Variants in ZFAND3 observed in about 807,000 individuals in gnomAD.
ZFAND3 encodes the protein zinc finger AN1-type containing 3, also known as AN1-type zinc finger protein 3.
In ZFAND3, 10 loss-of-function variants were observed where a neutral mutation model predicts 29.6. The ratio of observed to expected loss-of-function variants is 0.34; its 90% CI spans 0.21 to 0.57. ZFAND3 has a LOEUF of 0.57. Among genes scored for constraint, ZFAND3 ranks in the 20% least tolerant of loss-of-function variants. The probability of loss-of-function intolerance (pLI) is 0.86; values close to 1 mark genes in which losing one functional copy is unlikely to be tolerated. For missense variants in ZFAND3, 230 were observed against 304.5 expected, an observed-to-expected ratio of 0.76 and a Z score of 1.82; for synonymous variants, 128 against 112.6, an observed-to-expected ratio of 1.14 and a Z score of -0.87.
chr6:37,869,724 G>A (rs1312493334), intron 1 of ZFAND3, among the ~76,000 whole-genome samples: 1 of 151,300 alleles, frequency 6.6e-6, no homozygotes, highest in East Asian at 1.9e-4. Flanking sequence ...TGTTGCCCAG[G>A]CTGGCCTCGA....
chr6:37,882,954 C>T (rs1245830986), intron 1 of ZFAND3, among the ~76,000 whole-genome samples: 1 of 152,158 alleles, frequency 6.6e-6, no homozygotes, highest in African/African-American at 2.4e-5. Flanking sequence ...TGCATTGTCT[C>T]ATGCCTATAA....
chr6:37,898,249 A>G (rs899456311), intron 1 of ZFAND3, among the ~76,000 whole-genome samples: 14 of 152,186 alleles, frequency 9.2e-5, no homozygotes, highest in African/African-American at 3.4e-4. Flanking sequence ...ACTGATATCA[A>G]GTTGACCCAG....
rs1302318683 is a variant in ZFAND3 at position 37,843,961 on chromosome 6, A to G, written c.71+23945A>G. Among the ~76,000 whole-genome samples the G allele has an allele frequency of 4.6e-5, 7 of 152,126 alleles. No homozygotes were observed. The East Asian group carries it at 1.3e-3, about 29-fold the overall frequency. On this transcript the variant is annotated intron_variant, in intron 1 of 5. Transcript: ENST00000287218. The stretch of plus-strand genomic sequence containing the variant: ...GGGACAGAGTCTCACTTTGTTGCCC[A>G]GGCTGGAGTGCAATGGTGTGATCTT...
At chr6:38,151,527 CCT>C (rs1766226062) in intron 5 of ZFAND3, among the ~76,000 whole-genome samples, 1 of 151,488 alleles carries the variant, frequency 6.6e-6, no homozygotes, top group South Asian at 2.1e-4. Flanking sequence ...GGCATCTCAA[CCT>C]CTCTCACCTA....
intron 3 of ZFAND3, among the ~76,000 whole-genome samples, chr6:38,064,998 AGT>A (rs1316411102): frequency 6.6e-6 from 1 of 152,126 alleles, no homozygotes; most frequent in Non-Finnish European, 1.5e-5. Context: ...ATAGGTGTTA[AGT>A]GAGGTTGCCA....
At chr6:37,979,193 C>T (rs375068564) in intron 2 of ZFAND3, among the ~76,000 whole-genome samples, 3 of 152,266 alleles carry the variant, frequency 2.0e-5, no homozygotes, top group African/African-American at 4.8e-5. Flanking sequence ...TTTTTCACCT[C>T]GTTACTGCTT....
At chr6:37,829,516 T>C (rs1763820739) in intron 1 of ZFAND3, among the ~76,000 whole-genome samples, 1 of 152,150 alleles carries the variant, frequency 6.6e-6, no homozygotes, top group African/African-American at 2.4e-5. Flanking sequence ...GCCTGGGCAA[T>C]AGAGTGAGAC....
chr6:38,102,622 A>C lies in ZFAND3; in HGVS notation c.362-13950A>C, dbSNP rs138980701. Among the ~76,000 whole-genome samples the C allele has an allele frequency of 3.9e-5, 6 of 152,320 alleles. 1 individual carries two copies. In the East Asian group the frequency reaches 9.6e-4, roughly 24 times the overall value. On this transcript the variant is annotated intron_variant, in intron 4 of 5. Transcript: ENST00000287218. ...CAAATATAAGTCAACAGTAGGAGGA[A>C]GTGCCCACAGTTGCAGGTACTATCC... is the stretch of plus-strand genomic sequence containing the variant.
At chr6:38,146,397 G>A (rs1056267228) in intron 5 of ZFAND3, among the ~76,000 whole-genome samples, 1 of 152,252 alleles carries the variant, frequency 6.6e-6, no homozygotes, top group Non-Finnish European at 1.5e-5. Flanking sequence ...GCCATGGAAA[G>A]TGGAGTCATG....
intron 1 of ZFAND3, among the ~76,000 whole-genome samples, chr6:37,834,467 G>A (rs886574326): frequency 2.6e-5 from 4 of 152,166 alleles, no homozygotes; most frequent in Admixed American, 2.6e-4. Flanking sequence ...ACATCTGTGT[G>A]CAGGTTTTTG....
chr6:37,925,702 T>TG (rs1761471535), intron 1 of ZFAND3, among the ~76,000 whole-genome samples: 5 of 69,422 alleles, frequency 7.2e-5, no homozygotes, highest in African/African-American at 3.0e-4. Flanking sequence ...ACACTCCATC[T>TG]CAAAAAAAAA....
chr6:37,933,853 T>C lies in ZFAND3; in HGVS notation c.112+3854T>C, dbSNP rs1033566417. 3.3e-5 allele frequency among the ~76,000 whole-genome samples: 5 copies of C among 152,082 alleles called. No homozygotes were observed. In the East Asian group the frequency reaches 9.6e-4, roughly 29 times the overall value. On this transcript the variant is annotated intron_variant, in intron 2 of 5. Coordinates refer to ENST00000287218, the MANE Select transcript of ZFAND3 (RefSeq NM_021943.3). ...TGTTACCTTTAAAGGCTAAAATCATTTAAGACTGTTTAAAGGATCTCTCTC... is the reference window on the plus strand; with the variant it reads ...TGTTACCTTTAAAGGCTAAAATCATCTAAGACTGTTTAAAGGATCTCTCTC...
At chr6:37,973,941 C>G (rs1030282585) in intron 2 of ZFAND3, among the ~76,000 whole-genome samples, 1 of 152,198 alleles carries the variant, frequency 6.6e-6, no homozygotes, top group South Asian at 2.1e-4. Flanking sequence ...CTCAGAGAGA[C>G]AGCTTTAGTG....
At chr6:38,127,366 C>T (rs1219164934) in intron 5 of ZFAND3, among the ~76,000 whole-genome samples, 1 of 152,226 alleles carries the variant, frequency 6.6e-6, no homozygotes, top group Non-Finnish European at 1.5e-5. Context: ...AAGCTGTGTT[C>T]TAAAGAGTTT....
intron 4 of ZFAND3, among the ~76,000 whole-genome samples, chr6:38,100,056 CT>C (rs1229824762): frequency 2.0e-5 from 3 of 151,842 alleles, no homozygotes; most frequent in Non-Finnish European, 4.4e-5. Context: ...AAACCTATTT[CT>C]TTTTTTCTTT....
chr6:38,030,575 A>G (rs1216379660), intron 2 of ZFAND3, among the ~76,000 whole-genome samples: 1 of 152,194 alleles, frequency 6.6e-6, no homozygotes, highest in Non-Finnish European at 1.5e-5. Context: ...TGATAAGACC[A>G]GCAACTGATT....
At chr6:37,887,435 A>C (rs1367317640) in intron 1 of ZFAND3, among the ~76,000 whole-genome samples, 4 of 152,232 alleles carry the variant, frequency 2.6e-5, no homozygotes, top group Non-Finnish European at 5.9e-5. Context: ...TATTTTAAAC[A>C]AGTTAGGTAA....
At chr6:38,036,055 C>T (rs1234951865) in intron 2 of ZFAND3, among the ~76,000 whole-genome samples, 3 of 152,110 alleles carry the variant, frequency 2.0e-5, no homozygotes, top group Non-Finnish European at 4.4e-5. Flanking sequence ...ATTCAGGGTC[C>T]CCTCTCTCCC....
At chr6:37,952,499 T>C (rs1762015635) in intron 2 of ZFAND3, among the ~76,000 whole-genome samples, 1 of 152,200 alleles carries the variant, frequency 6.6e-6, no homozygotes, top group Non-Finnish European at 1.5e-5. Context: ...CATAGAAGTG[T>C]TCATAATAGT....
Sources: allele counts gnomAD v4.1 joint callset (sites outside exome capture counted in the v4.1 genomes callset), GRCh38; gene constraint gnomAD v4.1.1; transcripts MANE v1.5; gene names NCBI Gene and HGNC (gene_info 2026-07-23, HGNC 2026-07-21).